The following ASS1 variants were observed in gnomAD, a reference collection of about 807,000 sequenced individuals.
ASS1 encodes the protein argininosuccinate synthase.
In ASS1, 58 loss-of-function variants were observed where a neutral mutation model predicts 60.5. The observed-to-expected ratio is 0.96, with a 90% CI of 0.78 to 1.19. The LOEUF is 1.19. Ranked by LOEUF, ASS1 falls within the 50% of genes most tolerant of loss-of-function variation. The probability of loss-of-function intolerance (pLI) is 0.00; values close to 1 mark genes in which losing one functional copy is unlikely to be tolerated. For missense variants in ASS1, 454 were observed against 547.3 expected, an observed-to-expected ratio of 0.83 and a Z score of 1.70; for synonymous variants, 200 against 206.9, an observed-to-expected ratio of 0.97 and a Z score of 0.29.
intron 13 of ASS1, among the ~76,000 whole-genome samples, chr9:130,497,062 T>C (rs1374068227): frequency 1.3e-5 from 2 of 152,246 alleles, no homozygotes; most frequent in African/African-American, 4.8e-5. Context: ...ACTGAGTCAG[T>C]TTAGATCAGT....
At position 130,464,163 on chromosome 9, in the gene ASS1, T is replaced by G; in HGVS notation, c.416T>G (p.Ile139Arg). The change falls in exon 5 of 15, where the codon ATA becomes AGA. Residue 139 changes from isoleucine to arginine, a missense_variant. Physicochemically the swap from Ile to Arg is moderately conservative, Grantham distance 97. Transcript: ENST00000352480. ...ELSCYSLAPQ[I>R]KVIAPWRMPE... Reference sequence around the variant, plus strand: ...AGCTGCTACTCACTGGCCCCCCAGATAAAGGTAGGATGTGGCTCCTCCCCT... The same window carrying G: ...AGCTGCTACTCACTGGCCCCCCAGAGAAAGGTAGGATGTGGCTCCTCCCCT... 1 of 1,614,114 alleles carries G rather than the reference T, an allele frequency of 6.2e-7. No homozygotes were observed. Among genetic ancestry groups the G allele is most frequent in the Non-Finnish European group, 8.5e-7 (1 of 1,179,972 alleles).
intron 5 of ASS1, among the ~76,000 whole-genome samples, chr9:130,464,458 T>C (rs1845678153): frequency 1.3e-5 from 2 of 152,050 alleles, no homozygotes; most frequent in African/African-American, 4.8e-5. Context: ...ATCCCAGGTG[T>C]GGGCAGGCAT....
chr9:130,449,900 G>C (rs772964069), intron 1 of ASS1, among the ~76,000 whole-genome samples: 23 of 152,326 alleles, frequency 1.5e-4, no homozygotes, highest in Non-Finnish European at 2.5e-4. Context: ...TCTCGTGTGT[G>C]TGTGAGGTGC....
chr9:130,466,540 T>G, intron 5 of ASS1, 185 bp from the exon 6 acceptor site: 1 of 650,930 alleles, frequency 1.5e-6, no homozygotes, highest in East Asian at 2.7e-5. Context: ...CCAGCCCCGG[T>G]GAGGGAGTCT....
chr9:130,452,160 C>A, intron 1 of ASS1, 64 bp from the exon 2 acceptor site: 2 of 1,417,786 alleles, frequency 1.4e-6, no homozygotes, highest in Non-Finnish European at 2.0e-6. Context: ...GGGCTGTCTG[C>A]AGGGGCTGGC....
intron 14 of ASS1, 139 bp downstream of exon 14, chr9:130,499,709 AC>A: frequency 1.2e-6 from 1 of 844,058 alleles, no homozygotes; most frequent in South Asian, 1.5e-5. Flanking sequence ...CCCTAGACAA[AC>A]CCCACTTTCC....
intron 1 of ASS1, among the ~76,000 whole-genome samples, chr9:130,448,025 C>T (rs1337062712): frequency 6.6e-6 from 1 of 151,934 alleles, no homozygotes; most frequent in African/African-American, 2.4e-5. Flanking sequence ...GTCTGGTGGA[C>T]TTGACCTCTG....
chr9:130,452,394 C>A, intron 2 of ASS1, 61 bp downstream of exon 2: 1 of 1,445,084 alleles, frequency 6.9e-7, no homozygotes, highest in Non-Finnish European at 9.7e-7. Flanking sequence ...CTGTCTGCCC[C>A]CTGCCAGCCT....
At chr9:130,466,575 C>T (rs571331505) in intron 5 of ASS1, 150 bp from the exon 6 acceptor site, 38 of 741,018 alleles carry the variant, frequency 5.1e-5, no homozygotes, top group South Asian at 9.5e-5. Flanking sequence ...CTTCATGGGG[C>T]TCCCTCTCAC....
intron 12 of ASS1, among the ~76,000 whole-genome samples, chr9:130,493,589 G>C (rs116704346): frequency 6.6e-6 from 1 of 152,146 alleles, no homozygotes; most frequent in Non-Finnish European, 1.5e-5. Flanking sequence ...GCCCCCAGGG[G>C]CCTGGGCCTC....
At chr9:130,468,955 T>C (rs1444039962) in intron 6 of ASS1, among the ~76,000 whole-genome samples, 1 of 152,238 alleles carries the variant, frequency 6.6e-6, no homozygotes, top group East Asian at 1.9e-4. Context: ...AACACAAATC[T>C]CTTTGGTCTT....
In ASS1 at chr9:130,478,059, A is replaced by G. The variant is rs1846068684; in HGVS notation, c.688+1098A>G. Among the ~76,000 whole-genome samples the G allele has an allele frequency of 6.6e-6, 1 of 152,196 alleles. No homozygotes were observed. Among genetic ancestry groups the G allele is most frequent in the Non-Finnish European group, 1.5e-5 (1 of 68,028 alleles). On this transcript the variant is annotated intron_variant, in intron 9 of 14. Transcript: ENST00000352480. The surrounding 1 kb of genome is among the most constrained non-coding windows in gnomAD (Gnocchi z 4.7). ...ACTCATCAAAAAACGGACCACAGGCATGATGCTCACAGGTGCCCGGCATGG... is the reference window on the plus strand; with the variant it reads ...ACTCATCAAAAAACGGACCACAGGCGTGATGCTCACAGGTGCCCGGCATGG...
chr9:130,468,009 C>G (rs1272563962), intron 6 of ASS1, among the ~76,000 whole-genome samples: 1 of 152,198 alleles, frequency 6.6e-6, no homozygotes, highest in Non-Finnish European at 1.5e-5. Context: ...CCCAAATAAC[C>G]TTTTGAGCCG....
chr9:130,451,319 C>A (rs531660730), intron 1 of ASS1, among the ~76,000 whole-genome samples: 1 of 152,114 alleles, frequency 6.6e-6, no homozygotes, highest in Non-Finnish European at 1.5e-5. Context: ...AGAGAGCCCT[C>A]GTGCCCATCT....
Position 130,477,530 on chromosome 9 carries a change from T to C in ASS1, c.688+569T>C, listed in dbSNP as rs185237160. Among the ~76,000 whole-genome samples, 4 of 152,354 alleles carry C rather than the reference T, an allele frequency of 2.6e-5. No homozygotes were observed. The highest frequency in any genetic ancestry group is 6.5e-5 in the Admixed American group (1 of 15,306). ...TTGCTCCCCTCGGCAGTGGAGGCTG[T>C]CCTGATCGCTCCCTCCTTCTCACTG... is the stretch of plus-strand genomic sequence containing the variant. On this transcript the variant is annotated intron_variant, in intron 9 of 14. Coordinates refer to ENST00000352480, the MANE Select transcript of ASS1 (RefSeq NM_054012.4). This position sits in a 1 kb window ranked among gnomAD's most constrained non-coding sequence, Gnocchi z 4.2.
intron 1 of ASS1, chr9:130,451,984 C>T (rs1845337989): frequency 1.5e-6 from 1 of 659,520 alleles, no homozygotes; most frequent in Admixed American, 2.1e-5. Context: ...CAGCCTAGGA[C>T]TGCAGTCAGC....
chr9:130,487,611 G>A (rs1249347774), intron 11 of ASS1, among the ~76,000 whole-genome samples: 1 of 151,840 alleles, frequency 6.6e-6, no homozygotes, highest in Non-Finnish European at 1.5e-5. Context: ...CCGGCCCCTG[G>A]CAGCCACCAT....
rs1425165659 is a variant in ASS1 at position 130,478,482 on chromosome 9, T to C, written c.689-1234T>C. On this transcript the variant is annotated intron_variant, in intron 9 of 14. Transcript: ENST00000352480. The surrounding 1 kb of genome is among the most constrained non-coding windows in gnomAD (Gnocchi z 4.7). ...GGAGAAGAAACGTGACCTATTGTCA[T>C]GATTTGGGGACTGTCTGGAAGAAGA... 6.6e-6 allele frequency among the ~76,000 whole-genome samples: 1 copy of C among 152,180 alleles called. No homozygotes were observed. Among genetic ancestry groups the C allele is most frequent in the Admixed American group, 6.5e-5 (1 of 15,288 alleles).
At chr9:130,469,095 C>A (rs780702737) in intron 6 of ASS1, among the ~76,000 whole-genome samples, 12 of 152,204 alleles carry the variant, frequency 7.9e-5, no homozygotes, top group Non-Finnish European at 1.3e-4. Context: ...ACAGAGGCTC[C>A]ACGGAGCCTG....
Sources: allele counts gnomAD v4.1 joint callset (sites outside exome capture counted in the v4.1 genomes callset), GRCh38; gene constraint gnomAD v4.1.1; non-coding constraint Gnocchi (gnomAD v3.1); transcripts MANE v1.5; gene names NCBI Gene and HGNC (gene_info 2026-07-23, HGNC 2026-07-21).